BCKDHB: variants seen among roughly 807,000 people sequenced by gnomAD.
BCKDHB encodes the protein branched chain keto acid dehydrogenase E1 subunit beta.
Under a neutral mutation model 48.5 loss-of-function variants are expected in BCKDHB, and 41 were observed. The observed-to-expected ratio is 0.85, with a 90% confidence interval of 0.66 to 1.10. The LOEUF is 1.10. Ranked by LOEUF, BCKDHB falls within the 50% of genes least tolerant of loss-of-function variation. BCKDHB has a pLI of 0.00. For missense variants in BCKDHB, 496 were observed against 494.2 expected, an observed-to-expected ratio of 1.00 and a Z score of -0.03; for synonymous variants, 201 against 174.8, an observed-to-expected ratio of 1.15 and a Z score of -1.18.
At chr6:80,321,639 G>C (rs994974715) in intron 9 of BCKDHB, among the ~76,000 whole-genome samples, 1 of 152,104 alleles carries the variant, frequency 6.6e-6, no homozygotes, top group Non-Finnish European at 1.5e-5. Context: ...CCAGAGACTT[G>C]AACTTTGCCT....
the BCKDHB span, among the ~76,000 whole-genome samples, chr6:80,411,409 A>G: frequency 1.3e-5 from 2 of 152,302 alleles, 1 homozygote; most frequent in South Asian, 4.1e-4. Context: ...CAGTCAGGCT[A>G]CATGGGGTCA....
chr6:80,286,645 G>A (rs781573607), intron 9 of BCKDHB, among the ~76,000 whole-genome samples: 2 of 152,140 alleles, frequency 1.3e-5, no homozygotes, highest in Non-Finnish European at 2.9e-5. Flanking sequence ...ATTGCTTTGA[G>A]TTAACGGGGA....
At chr6:80,381,017 T>G in the BCKDHB span, among the ~76,000 whole-genome samples, 4 of 151,962 alleles carry the variant, frequency 2.6e-5, no homozygotes, top group African/African-American at 9.7e-5. Context: ...CTTTCATATC[T>G]GTATCAGGGA....
intron 9 of BCKDHB, among the ~76,000 whole-genome samples, chr6:80,280,222 A>G (rs998835161): frequency 1.3e-5 from 2 of 152,228 alleles, no homozygotes; most frequent in Admixed American, 6.5e-5. Flanking sequence ...CAGTTTTCTC[A>G]TGTAATATAT....
At chr6:80,186,894 C>T (rs1004125294) in intron 6 of BCKDHB, among the ~76,000 whole-genome samples, 2 of 152,226 alleles carry the variant, frequency 1.3e-5, no homozygotes, top group Admixed American at 1.3e-4. Context: ...TTAGGTTCCC[C>T]AGTGGGGATG....
At chr6:80,432,998 A>G in the BCKDHB span, among the ~76,000 whole-genome samples, 1 of 152,150 alleles carries the variant, frequency 6.6e-6, no homozygotes, top group African/African-American at 2.4e-5. Context: ...GAGGCTGCAG[A>G]ACAGCAAAGA....
the BCKDHB span, among the ~76,000 whole-genome samples, chr6:80,407,840 C>G: frequency 6.6e-5 from 10 of 152,162 alleles, no homozygotes; most frequent in Admixed American, 6.5e-4. Flanking sequence ...ATTGAATACC[C>G]TTTATTTCTT....
chr6:80,210,287 A>G (rs957202167), intron 8 of BCKDHB, among the ~76,000 whole-genome samples: 1 of 152,170 alleles, frequency 6.6e-6, no homozygotes, highest in African/African-American at 2.4e-5. Context: ...CTAAAAATGT[A>G]ATGGAATAAT....
chr6:80,442,101 A>T, the BCKDHB span, among the ~76,000 whole-genome samples: 1 of 152,204 alleles, frequency 6.6e-6, no homozygotes, highest in African/African-American at 2.4e-5. Flanking sequence ...CTGTATAGTT[A>T]ACTTATCTTC....
At chr6:80,295,760 T>A (rs1277049709) in intron 9 of BCKDHB, among the ~76,000 whole-genome samples, 1 of 152,068 alleles carries the variant, frequency 6.6e-6, no homozygotes, top group Non-Finnish European at 1.5e-5. Context: ...TCAGGGGAAC[T>A]CCTCTTTATA....
At chr6:80,222,577 C>T (rs909249756) in intron 8 of BCKDHB, among the ~76,000 whole-genome samples, 7 of 152,140 alleles carry the variant, frequency 4.6e-5, no homozygotes, top group African/African-American at 1.2e-4. Flanking sequence ...CTTCATGGAG[C>T]TGTTCCTGAT....
intron 1 of BCKDHB, among the ~76,000 whole-genome samples, chr6:80,115,172 T>C (rs1298717290): frequency 1.3e-5 from 2 of 152,206 alleles, no homozygotes; most frequent in Non-Finnish European, 2.9e-5. Flanking sequence ...TCTTGCTATG[T>C]TGCCCAGGCT....
chr6:80,250,275 T>G (rs1299326002), intron 8 of BCKDHB, among the ~76,000 whole-genome samples: 1 of 152,168 alleles, frequency 6.6e-6, no homozygotes, highest in African/African-American at 2.4e-5. Context: ...ACTTCTGGCA[T>G]TTACTCCTAA....
intron 8 of BCKDHB, among the ~76,000 whole-genome samples, chr6:80,217,975 G>A (rs16891543): frequency 0.036 from 5,415 of 152,176 alleles, 307 homozygotes; most frequent in African/African-American, 0.12. Flanking sequence ...AGAGCAGATG[G>A]GCCAGCCTGA....
the BCKDHB span, among the ~76,000 whole-genome samples, chr6:80,352,360 T>C: frequency 6.6e-6 from 1 of 152,162 alleles, no homozygotes; most frequent in Admixed American, 6.5e-5. Flanking sequence ...GAAACCTCTA[T>C]ATTGAGGAAT....
chr6:80,255,445 A>G (rs1207837271), intron 8 of BCKDHB, among the ~76,000 whole-genome samples: 2 of 152,152 alleles, frequency 1.3e-5, no homozygotes, highest in Non-Finnish European at 2.9e-5. Context: ...TAAATTCTCA[A>G]ATACTTCCAT....
chr6:80,370,354 G>A, the BCKDHB span, among the ~76,000 whole-genome samples: 1 of 152,054 alleles, frequency 6.6e-6, no homozygotes, highest in African/African-American at 2.4e-5. Flanking sequence ...CTATCTAAGG[G>A]CCTTTACATA....
chr6:80,214,226 T>C (rs1260356354), intron 8 of BCKDHB, among the ~76,000 whole-genome samples: 1 of 152,194 alleles, frequency 6.6e-6, no homozygotes, highest in Non-Finnish European at 1.5e-5. Flanking sequence ...CCAAGTTTGT[T>C]TACTCTTTGC....
At chr6:80,364,241 A>G in the BCKDHB span, among the ~76,000 whole-genome samples, 1 of 152,216 alleles carries the variant, frequency 6.6e-6, no homozygotes, top group Non-Finnish European at 1.5e-5. Flanking sequence ...CCAGAAATGA[A>G]TAGAACCAAC....
Sources: allele counts gnomAD v4.1 joint callset (sites outside exome capture counted in the v4.1 genomes callset), GRCh38; gene constraint gnomAD v4.1.1; transcripts MANE v1.5; gene names NCBI Gene and HGNC (gene_info 2026-07-23, HGNC 2026-07-21).